The following GCNA variants were observed in gnomAD, a reference collection of about 807,000 sequenced individuals.
GCNA encodes the protein germ cell nuclear acidic protein.
In GCNA, 3 loss-of-function variants were observed where a neutral mutation model predicts 38.8. The ratio of observed to expected loss-of-function variants is 0.08; its 90% CI spans 0.04 to 0.20. The LOEUF (loss-of-function observed/expected upper bound fraction) is 0.20, where lower values mean the gene tolerates loss of function less well. Ranked by LOEUF, GCNA falls within the 10% of genes least tolerant of loss-of-function variation. The pLI is 1.00. For missense variants in GCNA, 446 were observed against 578.6 expected (o/e 0.77, Z 2.35); for synonymous variants, 195 against 240.2 (o/e 0.81, Z 1.74).
At chrX:71,595,728 A>G (rs1365369493) in intron 6 of GCNA, among the ~76,000 whole-genome samples, 1 of 112,017 alleles carries the variant, frequency 8.9e-6, no homozygotes, top group Non-Finnish European at 1.9e-5. Context: ...GTGCTACATA[A>G]CTGTTTTCCA....
rs1602188059 is a variant in GCNA, at chrX:71,613,134, A to G, written c.*152A>G. The stretch of plus-strand genomic sequence containing the variant: ...CTTAGAGTATATTAATGTGAGCTAT[A>G]TCCTTTACTGGTAAGAAGTTTTAGA... On this transcript the variant is annotated 3_prime_UTR_variant, in exon 13 of 13. Transcript: ENST00000373696. 1.3e-6 allele frequency: 1 copy of G among 740,761 alleles called. No homozygotes were observed. Among genetic ancestry groups the G allele is most frequent in the Non-Finnish European group, 1.9e-6 (1 of 528,343 alleles). The allele number at this position is 740,761 out of a possible 1,213,427, so 61.0% of individuals were successfully genotyped here. A position where few individuals can be genotyped will look rare whatever the true frequency, so the allele number is the denominator to read the frequency against.
chrX:71,605,837 G>T, intron 9 of GCNA, 108 bp downstream of exon 9: 1 of 628,207 alleles, frequency 1.6e-6, no homozygotes, highest in Non-Finnish European at 2.4e-6. Context: ...ATGGAGTCTG[G>T]CTGGGATGGG....
At position 71,612,342 on chromosome X, in the gene GCNA, T is replaced by G; in HGVS notation, c.1751-13T>G. The stretch of plus-strand genomic sequence containing the variant: ...GTTTTAGTGCTCACATTTCTTTTCA[T>G]TCTTCTTTCAAGACCGAATCCGGGA... On this transcript the variant is annotated splice_polypyrimidine_tract_variant and intron_variant, in intron 11 of 12. Transcript: ENST00000373696. The G allele has an allele frequency of 8.8e-7, 1 of 1,133,030 alleles. No homozygotes were observed. Among genetic ancestry groups the G allele is most frequent in the Non-Finnish European group, 1.2e-6 (1 of 836,918 alleles). The allele number at this position is 1,133,030 out of a possible 1,213,427, so 93.4% of individuals were successfully genotyped here.
At chrX:71,578,974 G>A (rs1436988089) in intron 1 of GCNA, among the ~76,000 whole-genome samples, 1 of 106,690 alleles carries the variant, frequency 9.4e-6, no homozygotes, top group Non-Finnish European at 2.0e-5. Flanking sequence ...GGCAGTGTCG[G>A]GGAAGTGGGG....
chrX:71,599,223 G>T (rs998150827), intron 7 of GCNA, among the ~76,000 whole-genome samples: 2 of 110,820 alleles, frequency 1.8e-5, no homozygotes, highest in African/African-American at 6.6e-5. Flanking sequence ...GCTAACCCGG[G>T]ATATCAGAGC....
intron 2 of GCNA, among the ~76,000 whole-genome samples, chrX:71,582,112 A>C (rs2147707039): frequency 9.2e-6 from 1 of 108,815 alleles, no homozygotes; most frequent in Non-Finnish European, 1.9e-5. Context: ...CGCCTCTACA[A>C]AAAATAAAAA....
chrX:71,597,407 AG>A (rs906234849), intron 6 of GCNA, among the ~76,000 whole-genome samples: 11 of 111,561 alleles, frequency 9.9e-5, no homozygotes, highest in African/African-American at 3.6e-4. Flanking sequence ...TGAGGACCCC[AG>A]GGGGTGCTTA....
At chrX:71,591,738 C>T in intron 2 of GCNA, among the ~76,000 whole-genome samples, 1 of 111,893 alleles carries the variant, frequency 8.9e-6, no homozygotes, top group Non-Finnish European at 1.9e-5. Flanking sequence ...TTCCTGGGCT[C>T]AAGCGATCCT....
intron 2 of GCNA, among the ~76,000 whole-genome samples, chrX:71,591,162 G>A (rs1020756932): frequency 9.0e-6 from 1 of 110,973 alleles, no homozygotes; most frequent in Admixed American, 9.6e-5. Flanking sequence ...TGCTCACTGC[G>A]GTGTGACTCC....
chrX:71,612,511 A>G lies in GCNA; in HGVS notation c.1907A>G (p.Tyr636Cys), dbSNP rs1442459138. 1 of 1,207,951 alleles carries G rather than the reference A, an allele frequency of 8.3e-7. No homozygotes were observed. Among genetic ancestry groups the G allele is most frequent in the Non-Finnish European group, 1.1e-6 (1 of 894,723 alleles). Reference sequence around the variant, plus strand: ...CCCAGGGTCACCCGTTGCCATAACTATAAGATTAACTACAAGGTCCATTAT... The same window carrying G: ...CCCAGGGTCACCCGTTGCCATAACTGTAAGATTAACTACAAGGTCCATTAT... Reference protein sequence around the residue: ...ELPRVTRCHNYKINYKVHYEC... With the variant: ...ELPRVTRCHNCKINYKVHYEC... Residue 636 changes from tyrosine (Y) to cysteine (C), a missense_variant, in exon 12 of 13, where the codon TAT becomes TGT. Physicochemically the swap from Tyr to Cys is radical, Grantham distance 194. This residue lies in a region of GCNA where 60 missense variants were observed against 111.0 expected (regional missense o/e 0.54). Transcript: ENST00000373696.
rs775906292 is a variant in GCNA at position 71,594,270 on chromosome X, A to T, written c.141-61A>T. The T allele has an allele frequency of 1.4e-4, 100 of 723,067 alleles. No homozygotes were observed. The South Asian group carries it at 2.5e-3, about 18-fold the overall frequency. The allele number at this position is 723,067 out of a possible 1,213,427, so 59.6% of individuals were successfully genotyped here. A position where few individuals can be genotyped will look rare whatever the true frequency, so the allele number is the denominator to read the frequency against. On this transcript the variant is annotated intron_variant, in intron 4 of 12. Transcript: ENST00000373696. ...TCTTCACTTATTTGGGATTTTTGATAATTGGTTGCTTATGGCGTCGATAGC... is the reference window on the plus strand; with the variant it reads ...TCTTCACTTATTTGGGATTTTTGATTATTGGTTGCTTATGGCGTCGATAGC...
Position 71,610,720 on chromosome X carries a change from G to A in GCNA, c.1651G>A (p.Val551Met), listed in dbSNP as rs2040803544. The part of the protein sequence containing the change: ...KLRIGWNNKM[V>M]KTAGLCSTGE... ...ACGCATAGGCTGGAATAACAAGATG[G>A]TGAAAACTGCTGGCTTATGCAGCAC... The change falls in exon 11 of 13, where the codon GTG becomes ATG. Residue 551 changes from valine (V) to methionine (M), a missense_variant. This residue lies in a region of GCNA where 60 missense variants were observed against 111.0 expected (regional missense o/e 0.54). Transcript: ENST00000373696. 1 of 1,212,400 alleles carries A rather than the reference G, an allele frequency of 8.2e-7. No homozygotes were observed. The highest frequency in any genetic ancestry group is 1.1e-6 in the Non-Finnish European group (1 of 895,564).
intron 8 of GCNA, among the ~76,000 whole-genome samples, chrX:71,605,331 G>A (rs1218059246): frequency 8.9e-6 from 1 of 112,825 alleles, no homozygotes; most frequent in Non-Finnish European, 1.9e-5. Flanking sequence ...ATTGGAGCAG[G>A]TGTGTGAGCT....
At chrX:71,609,173 T>G in intron 10 of GCNA, 56 bp downstream of exon 10, 1 of 1,101,763 alleles carries the variant, frequency 9.1e-7, no homozygotes. Flanking sequence ...GTACTCTTGG[T>G]GCTGTGAGGT....
chrX:71,582,890 A>G (rs754149671), intron 2 of GCNA, among the ~76,000 whole-genome samples: 150 of 112,001 alleles, frequency 1.3e-3, no homozygotes, highest in Non-Finnish European at 2.4e-3. Flanking sequence ...TGGAAGAAGG[A>G]TATATGATTT....
chrX:71,585,849 A>G (rs2147710938), intron 2 of GCNA, among the ~76,000 whole-genome samples: 1 of 72,677 alleles, frequency 1.4e-5, no homozygotes, highest in South Asian at 9.2e-4. Context: ...GTGGAAAATA[A>G]TAGAAGGGGT....
chrX:71,606,120 A>G (rs2040767794), intron 9 of GCNA, among the ~76,000 whole-genome samples: 1 of 112,735 alleles, frequency 8.9e-6, no homozygotes. Context: ...CATGGCCACC[A>G]GTTTGTGCTA....
Position 71,597,994 on chromosome X carries a change from C to A in GCNA, c.266C>A (p.Thr89Asn). 8.3e-7 allele frequency: 1 copy of A among 1,210,390 alleles called. No homozygotes were observed. Among genetic ancestry groups the A allele is most frequent in the Non-Finnish European group, 1.1e-6 (1 of 894,351 alleles). ...IDSDSDEECH[T>N]HEEKKAKLLE... ...TCTGATTCTGATGAGGAATGTCACACCCATGAAGAGAAGAAAGCTAAGTTA... is the reference window on the plus strand; with the variant it reads ...TCTGATTCTGATGAGGAATGTCACAACCATGAAGAGAAGAAAGCTAAGTTA... The change falls in exon 7 of 13, where the codon ACC (threonine) becomes AAC (asparagine). Residue 89 changes from threonine to asparagine, a missense_variant. Thr to Asn is a moderately conservative substitution (Grantham distance 65). Around this residue, in one of 7 missense-constraint regions of GCNA, gnomAD observed 118 missense variants for 122.8 expected, o/e 0.96. Transcript: ENST00000373696.
chrX:71,598,069 G>C, intron 7 of GCNA, 31 bp downstream of exon 7: 1 of 1,083,199 alleles, frequency 9.2e-7, no homozygotes, highest in East Asian at 3.0e-5. Flanking sequence ...TAGATAAGTA[G>C]CTGAGCTCCA....
Sources: allele counts gnomAD v4.1 joint callset (sites outside exome capture counted in the v4.1 genomes callset), GRCh38; gene constraint gnomAD v4.1.1; regional missense constraint gnomAD v4.1.1; transcripts MANE v1.5; gene names NCBI Gene and HGNC (gene_info 2026-07-23, HGNC 2026-07-21).